Variants in GALNTL6 observed in about 807,000 individuals in gnomAD.
GALNTL6 encodes the protein polypeptide N-acetylgalactosaminyltransferase-like 6.
A neutral mutation model predicts 73.7 loss-of-function variants in GALNTL6; 46 were observed. The ratio of observed to expected loss-of-function variants is 0.62; its 90% CI spans 0.49 to 0.80. The LOEUF (loss-of-function observed/expected upper bound fraction) is 0.80, where lower values mean the gene tolerates loss of function less well. Ranked by LOEUF, GALNTL6 falls within the 30% of genes least tolerant of loss-of-function variation. The pLI is 0.00. For synonymous variants in GALNTL6, 259 were observed against 263.7 expected, an observed-to-expected ratio of 0.98 and a Z score of 0.17; for missense variants, 604 against 755.0, an observed-to-expected ratio of 0.80 and a Z score of 2.34.
At chr4:172,696,595 T>C (rs1309335630) in intron 5 of GALNTL6, among the ~76,000 whole-genome samples, 1 of 152,154 alleles carries the variant, frequency 6.6e-6, no homozygotes, top group Admixed American at 6.5e-5. Flanking sequence ...AGTGAATACA[T>C]CTTACAAGAT....
chr4:172,155,377 G>A (rs966471078), intron 2 of GALNTL6, among the ~76,000 whole-genome samples: 2 of 152,162 alleles, frequency 1.3e-5, no homozygotes, highest in Non-Finnish European at 2.9e-5. Flanking sequence ...GGTGAGGTCC[G>A]TGAACGAAAG....
chr4:172,105,684 A>T (rs1021888795), intron 2 of GALNTL6, among the ~76,000 whole-genome samples: 1 of 152,140 alleles, frequency 6.6e-6, no homozygotes, highest in African/African-American at 2.4e-5. Context: ...ATATGATGAA[A>T]TAATTCCTTT....
chr4:172,874,005 A>G (rs1456523567), intron 7 of GALNTL6, among the ~76,000 whole-genome samples: 2 of 152,238 alleles, frequency 1.3e-5, no homozygotes, highest in Admixed American at 6.5e-5. Flanking sequence ...TCATAAGAAG[A>G]AACTGTCAAA....
chr4:172,438,675 C>A (rs893323712), intron 5 of GALNTL6, among the ~76,000 whole-genome samples: 15 of 152,036 alleles, frequency 9.9e-5, no homozygotes, highest in African/African-American at 3.1e-4. Context: ...AAATTCACAA[C>A]CATGTTGACA....
In GALNTL6 at chr4:172,081,655, T is replaced by A. The variant is rs187911366; in HGVS notation, c.139-148001T>A. On this transcript the variant is annotated intron_variant, in intron 2 of 12. Transcript: ENST00000506823. ...CCGTTTCAAAAATAATAACAAATTT[T>A]AAAAAAATTGACAATCTCTGTGATA... 4.1e-4 allele frequency among the ~76,000 whole-genome samples: 63 copies of A among 151,990 alleles called. 1 individual carries two copies. The highest frequency in any genetic ancestry group is 1.3e-3 in the African/African-American group (54 of 41,472).
chr4:171,954,376 T>C (rs1266478997), intron 2 of GALNTL6, among the ~76,000 whole-genome samples: 3 of 152,152 alleles, frequency 2.0e-5, no homozygotes, highest in African/African-American at 7.2e-5. Flanking sequence ...TATAAGAAAA[T>C]GAGGACTAGC....
intron 5 of GALNTL6, among the ~76,000 whole-genome samples, chr4:172,664,398 TA>T (rs1731550015): frequency 6.6e-6 from 1 of 152,232 alleles, no homozygotes; most frequent in Non-Finnish European, 1.5e-5. Flanking sequence ...CTGAAGACCT[TA>T]CTTAATTTCT....
intron 7 of GALNTL6, among the ~76,000 whole-genome samples, chr4:172,827,802 A>G (rs1742346268): frequency 6.6e-6 from 1 of 152,160 alleles, no homozygotes; most frequent in African/African-American, 2.4e-5. Flanking sequence ...ATGCAACAAG[A>G]AAAATAAAGA....
chr4:172,574,910 A>G (rs1000897498), intron 5 of GALNTL6, among the ~76,000 whole-genome samples: 6 of 144,046 alleles, frequency 4.2e-5, no homozygotes, highest in Middle Eastern at 3.4e-3. Context: ...GCAAGCGTGC[A>G]TGCATGCATG....
chr4:172,682,597 C>A (rs2111234634), intron 5 of GALNTL6, among the ~76,000 whole-genome samples: 1 of 152,282 alleles, frequency 6.6e-6, no homozygotes, highest in South Asian at 2.1e-4. Flanking sequence ...AAACATTGTG[C>A]TTAAATATTT....
chr4:172,978,732 T>C (rs994443563), intron 10 of GALNTL6, among the ~76,000 whole-genome samples: 1 of 152,248 alleles, frequency 6.6e-6, no homozygotes, highest in African/African-American at 2.4e-5. Context: ...TCTACAAACA[T>C]ATATTGAGCT....
At chr4:173,036,672 G>C (rs569810916) in intron 12 of GALNTL6, among the ~76,000 whole-genome samples, 2 of 152,218 alleles carry the variant, frequency 1.3e-5, no homozygotes, top group African/African-American at 4.8e-5. Context: ...AAAGGGAAAT[G>C]CACTGCTGGA....
intron 2 of GALNTL6, among the ~76,000 whole-genome samples, chr4:171,884,929 T>C (rs1350754430): frequency 6.6e-6 from 1 of 151,694 alleles, no homozygotes; most frequent in Non-Finnish European, 1.5e-5. Context: ...TGGTGGTGGG[T>C]GTCTGTAATC....
At chr4:173,039,069 G>A (rs1459623576) in intron 12 of GALNTL6, among the ~76,000 whole-genome samples, 1 of 152,110 alleles carries the variant, frequency 6.6e-6, no homozygotes, top group East Asian at 1.9e-4. Flanking sequence ...ATTAAAAGAG[G>A]GTGTGTGTTA....
intron 5 of GALNTL6, among the ~76,000 whole-genome samples, chr4:172,793,255 T>C (rs750012722): frequency 4.6e-5 from 7 of 152,182 alleles, no homozygotes. Flanking sequence ...ATCTTAATCA[T>C]GGTGGTAGAA....
intron 2 of GALNTL6, among the ~76,000 whole-genome samples, chr4:171,990,023 A>G (rs1442692108): frequency 6.6e-6 from 1 of 152,130 alleles, no homozygotes; most frequent in African/African-American, 2.4e-5. Flanking sequence ...AAGCTGGACC[A>G]GGTGTGAGGA....
intron 5 of GALNTL6, among the ~76,000 whole-genome samples, chr4:172,672,260 G>C (rs1415214308): frequency 6.6e-6 from 1 of 152,198 alleles, no homozygotes; most frequent in African/African-American, 2.4e-5. Flanking sequence ...TCCTTCGATT[G>C]AGATAATCAT....
At chr4:172,843,209 G>A (rs1743311054) in intron 7 of GALNTL6, among the ~76,000 whole-genome samples, 1 of 152,142 alleles carries the variant, frequency 6.6e-6, no homozygotes, top group African/African-American at 2.4e-5. Flanking sequence ...AGGAAAAAAT[G>A]CCATTATAAA....
intron 5 of GALNTL6, among the ~76,000 whole-genome samples, chr4:172,585,441 G>A (rs1737369763): frequency 6.6e-6 from 1 of 152,102 alleles, no homozygotes; most frequent in Non-Finnish European, 1.5e-5. Context: ...AGTGTGTGAT[G>A]TTCCCCTCCC....
Sources: gnomAD v4.1 joint callset for allele counts (sites outside exome capture counted in the v4.1 genomes callset) on GRCh38, gnomAD v4.1.1 for gene constraint, MANE v1.5 for transcripts, NCBI Gene and HGNC (gene_info 2026-07-23, HGNC 2026-07-21) for gene names.